The following SUCLG1 variants were observed in gnomAD, a reference collection of about 807,000 sequenced individuals.
SUCLG1 encodes the protein succinate-CoA ligase GDP/ADP-forming subunit alpha.
A neutral mutation model predicts 37.3 loss-of-function variants in SUCLG1; 26 were observed. The observed-to-expected ratio is 0.70, with a 90% CI of 0.51 to 0.97. The LOEUF (loss-of-function observed/expected upper bound fraction) is 0.97. Ranked by LOEUF, SUCLG1 falls within the 50% of genes least tolerant of loss-of-function variation. SUCLG1 has a pLI of 0.00. For missense variants in SUCLG1, 433 were observed against 432.9 expected (o/e 1.00, Z 0.00); for synonymous variants, 163 against 155.6 (o/e 1.05, Z -0.36).
At chr2:84,442,831 G>A (rs1672795073) in intron 3 of SUCLG1, among the ~76,000 whole-genome samples, 1 of 152,086 alleles carries the variant, frequency 6.6e-6, no homozygotes, top group Non-Finnish European at 1.5e-5. Flanking sequence ...GTGAGACCAT[G>A]GGCAAGATCT....
At chr2:84,448,934 A>G in intron 2 of SUCLG1, 1 of 410,070 alleles carries the variant, frequency 2.4e-6, no homozygotes, top group Non-Finnish European at 5.1e-6. Context: ...CCAACTTGTT[A>G]ACAGAAGGAG....
intron 5 of SUCLG1, among the ~76,000 whole-genome samples, chr2:84,439,042 C>T (rs1256920010): frequency 2.6e-5 from 4 of 152,156 alleles, no homozygotes; most frequent in Non-Finnish European, 5.9e-5. Context: ...ATAAATCTTG[C>T]TGCTGCTCAC....
chr2:84,459,144 G>T (rs543411895), intron 1 of SUCLG1, 29 bp downstream of exon 1: 2 of 1,529,454 alleles, frequency 1.3e-6, no homozygotes, highest in Admixed American at 2.0e-5. Context: ...ACCCGCGGGC[G>T]CCAGGAAGAC....
At chr2:84,439,152 A>G (rs1672731939) in intron 5 of SUCLG1, among the ~76,000 whole-genome samples, 2 of 151,610 alleles carry the variant, frequency 1.3e-5, no homozygotes, top group African/African-American at 4.9e-5. Flanking sequence ...GAAGGAACCA[A>G]CTCTGGACAC....
intron 5 of SUCLG1, among the ~76,000 whole-genome samples, chr2:84,440,665 T>C (rs1672754382): frequency 6.6e-6 from 1 of 152,182 alleles, no homozygotes; most frequent in African/African-American, 2.4e-5. Flanking sequence ...CAAATGTTCA[T>C]TAATGGGAGA....
At chr2:84,436,517 G>A (rs1558610347) in intron 5 of SUCLG1, among the ~76,000 whole-genome samples, 2 of 152,108 alleles carry the variant, frequency 1.3e-5, no homozygotes, top group South Asian at 2.1e-4. Context: ...CCCTGCCCTC[G>A]AATCTGCCAC....
At chr2:84,443,613 G>C (rs548363182) in intron 2 of SUCLG1, among the ~76,000 whole-genome samples, 33 of 152,300 alleles carry the variant, frequency 2.2e-4, no homozygotes, top group African/African-American at 7.2e-4. Flanking sequence ...TTGATTCCCT[G>C]TTTTCAAACT....
At chr2:84,431,370 G>C (rs1672611179) in intron 7 of SUCLG1, 138 bp downstream of exon 7, 1 of 1,027,724 alleles carries the variant, frequency 9.7e-7, no homozygotes, top group East Asian at 2.6e-5. Flanking sequence ...TGAGTGTCCA[G>C]TATAGAAGGC....
At chr2:84,435,882 C>T (rs1417591171) in intron 5 of SUCLG1, among the ~76,000 whole-genome samples, 1 of 152,202 alleles carries the variant, frequency 6.6e-6, no homozygotes, top group Non-Finnish European at 1.5e-5. Context: ...ATAAACACTG[C>T]CACTACTGTT....
chr2:84,448,170 G>GAAA (rs60206307), intron 2 of SUCLG1, among the ~76,000 whole-genome samples: 1 of 137,708 alleles, frequency 7.3e-6, no homozygotes, highest in African/African-American at 2.7e-5. Context: ...AGTTATTTCA[G>GAAA]AAAAAAAAAA....
intron 2 of SUCLG1, among the ~76,000 whole-genome samples, chr2:84,447,303 A>AAAC (rs77141178): frequency 0.89 from 135,283 of 151,680 alleles, 60,953 homozygotes; most frequent in East Asian, 1. Flanking sequence ...CTTACTTTAA[A>AAAC]AACAACAAAA....
chr2:84,455,432 TGCGG>T (rs1231331086), intron 1 of SUCLG1, among the ~76,000 whole-genome samples: 4 of 151,568 alleles, frequency 2.6e-5, no homozygotes, highest in African/African-American at 9.7e-5. Flanking sequence ...AGGCAGAGGA[TGCGG>T]TGAGCTGAGA....
intron 1 of SUCLG1, among the ~76,000 whole-genome samples, chr2:84,456,235 C>CA (rs905242861): frequency 8.0e-5 from 12 of 149,972 alleles, no homozygotes; most frequent in Admixed American, 1.3e-4. Context: ...CTAAGACTGC[C>CA]AAAAAAAAAT....
At chr2:84,457,357 C>T (rs1673038333) in intron 1 of SUCLG1, among the ~76,000 whole-genome samples, 1 of 152,146 alleles carries the variant, frequency 6.6e-6, no homozygotes, top group South Asian at 2.1e-4. Flanking sequence ...TGGTTTAAAT[C>T]TCAGACCCGT....
intron 5 of SUCLG1, among the ~76,000 whole-genome samples, chr2:84,440,721 AG>A (rs1672755034): frequency 6.6e-6 from 1 of 152,240 alleles, no homozygotes; most frequent in African/African-American, 2.4e-5. Context: ...AATACTCCTT[AG>A]CAATAACTAA....
Position 84,443,508 on chromosome 2 carries a change from T to C in SUCLG1, c.202-108A>G, listed in dbSNP as rs1000522664. 4 of 903,696 alleles carry C rather than the reference T, an allele frequency of 4.4e-6. No homozygotes were observed. In the African/African-American group the frequency reaches 4.9e-5, roughly 11 times the overall value. 56.0% of individuals were successfully genotyped at this position (903,696 alleles called of 1,614,324 possible). A position where few individuals can be genotyped will look rare whatever the true frequency, so the allele number is the denominator to read the frequency against. On this transcript the variant is annotated intron_variant, in intron 2 of 8. Coordinates refer to ENST00000393868, the MANE Select transcript of SUCLG1 (RefSeq NM_003849.4). ...AAAAGAAAAACAAATAGGTTAACTA[T>C]TCCCAGACAATAACATATATTTACT... is the stretch of plus-strand genomic sequence containing the variant.
In SUCLG1 at chr2:84,441,760, T is replaced by A. The variant is rs1211631642; in HGVS notation, c.319-301A>T. Among the ~76,000 whole-genome samples, 4 of 152,114 alleles carry A rather than the reference T, an allele frequency of 2.6e-5. No homozygotes were observed. In the East Asian group the frequency reaches 7.7e-4, roughly 29 times the overall value. On this transcript the variant is annotated intron_variant, in intron 3 of 8. Coordinates refer to ENST00000393868, the MANE Select transcript of SUCLG1 (RefSeq NM_003849.4). Reference sequence around the variant, plus strand: ...TGAACAGAGTCAAAGAATGCCAACATATCATCCACAAATGATGCCGGGGGT... The same window carrying A: ...TGAACAGAGTCAAAGAATGCCAACAAATCATCCACAAATGATGCCGGGGGT...
chr2:84,435,307 A>G (rs1672671556), intron 5 of SUCLG1, among the ~76,000 whole-genome samples: 1 of 152,188 alleles, frequency 6.6e-6, no homozygotes. Context: ...AGTGAGATAT[A>G]ATTTCCTTCT....
chr2:84,456,819 A>C (rs1182747535), intron 1 of SUCLG1, among the ~76,000 whole-genome samples: 1 of 151,988 alleles, frequency 6.6e-6, no homozygotes, highest in Non-Finnish European at 1.5e-5. Context: ...GCCTGCCACC[A>C]CACCTGGCTA....
Sources: gnomAD v4.1 joint callset for allele counts (sites outside exome capture counted in the v4.1 genomes callset) on GRCh38, gnomAD v4.1.1 for gene constraint, MANE v1.5 for transcripts, NCBI Gene and HGNC (gene_info 2026-07-23, HGNC 2026-07-21) for gene names.